The following HECW2 variants were observed in gnomAD, a reference collection of about 807,000 sequenced individuals.
The protein encoded by HECW2 is HECT, C2 and WW domain containing E3 ubiquitin protein ligase 2, also known as E3 ubiquitin-protein ligase HECW2.
In HECW2, 61 loss-of-function variants were observed where a neutral mutation model predicts 175.2. That is an observed-to-expected ratio of 0.35 (90% CI 0.28 to 0.43). The LOEUF (loss-of-function observed/expected upper bound fraction) is 0.43. Among genes scored for constraint, HECW2 ranks in the 20% least tolerant of loss-of-function variants. The probability of loss-of-function intolerance (pLI) is 1.00; values close to 1 mark genes in which losing one functional copy is unlikely to be tolerated. For synonymous variants in HECW2, 671 were observed against 731.0 expected, an observed-to-expected ratio of 0.92 and a Z score of 1.32; for missense variants, 1,524 against 2,000.5, an observed-to-expected ratio of 0.76 and a Z score of 4.54.
At chr2:196,280,224 T>A (rs946827942) in intron 14 of HECW2, among the ~76,000 whole-genome samples, 2 of 152,188 alleles carry the variant, frequency 1.3e-5, no homozygotes, top group Admixed American at 1.3e-4. Context: ...AGGCACATGA[T>A]GTATGCCAAA....
At chr2:196,527,785 A>AG (rs1417083008) in intron 1 of HECW2, among the ~76,000 whole-genome samples, 1 of 152,256 alleles carries the variant, frequency 6.6e-6, no homozygotes, top group Non-Finnish European at 1.5e-5. Context: ...AGGGGTTTAT[A>AG]GCCCTGTCCT....
chr2:196,540,415 A>G lies in HECW2; in HGVS notation c.-36+53093T>C, dbSNP rs145226898. Among the ~76,000 whole-genome samples, 952 of 152,118 alleles carry G rather than the reference A, an allele frequency of 6.3e-3. 5 individuals are homozygous for G. The highest frequency in any genetic ancestry group is 0.01 in the Middle Eastern group (3 of 294). The stretch of plus-strand genomic sequence containing the variant: ...AAGAAAGGGGTATTTGTGTTTAAGG[A>G]ATATAATTTATTTTTCTTTCTTTTT... On this transcript the variant is annotated intron_variant, in intron 1 of 28. Coordinates refer to ENST00000644978, the MANE Select transcript of HECW2 (RefSeq NM_001348768.2).
intron 2 of HECW2, among the ~76,000 whole-genome samples, chr2:196,356,874 T>C (rs1338088944): frequency 6.6e-6 from 1 of 152,200 alleles, no homozygotes; most frequent in Non-Finnish European, 1.5e-5. Context: ...GGTTCAGCAC[T>C]ATCTGCAGGT....
At chr2:196,570,572 G>A (rs1017628047) in intron 1 of HECW2, among the ~76,000 whole-genome samples, 2 of 152,114 alleles carry the variant, frequency 1.3e-5, no homozygotes, top group Admixed American at 6.5e-5. Flanking sequence ...GGTAGGGGGA[G>A]GGATAGCATT....
In HECW2 at chr2:196,222,256, G is replaced by A. The variant is rs1687696599; in HGVS notation, c.4101C>T (p.Asp1367=). The A allele has an allele frequency of 2.5e-6, 4 of 1,613,738 alleles. No individual in the cohort carries two copies. The highest frequency in any genetic ancestry group is 3.4e-6 in the Non-Finnish European group (4 of 1,179,858). ...TCACAGTGAACGTGAGGTCTAGGAT[G>A]TCATGGATATCATTGTCTTTCATCC... ...LQWMKDNDIH[D]ILDLTFTVNE... Residue 1367 remains aspartate, a synonymous_variant, in exon 24 of 29, where the codon GAC becomes GAT. Transcript: ENST00000644978.
chr2:196,289,075 C>A (rs1690503358), intron 14 of HECW2: 1 of 152,244 alleles, frequency 6.6e-6, no homozygotes, highest in Non-Finnish European at 1.5e-5. Context: ...GAATACTACA[C>A]TAAGTGGTAA....
intron 1 of HECW2, among the ~76,000 whole-genome samples, chr2:196,458,402 A>G (rs115289475): frequency 6.6e-6 from 1 of 151,698 alleles, no homozygotes; most frequent in African/African-American, 2.4e-5. Context: ...GAGTCTCTGG[A>G]TCTTAACTGT....
intron 28 of HECW2, among the ~76,000 whole-genome samples, chr2:196,211,082 A>C (rs931893836): frequency 3.9e-5 from 6 of 152,222 alleles, no homozygotes; most frequent in Non-Finnish European, 5.9e-5. Context: ...TTTCATTCAT[A>C]ATAATCTCCA....
At chr2:196,555,620 C>T (rs1221332494) in intron 1 of HECW2, among the ~76,000 whole-genome samples, 1 of 151,998 alleles carries the variant, frequency 6.6e-6, no homozygotes, top group East Asian at 1.9e-4. Context: ...AAAAATTATT[C>T]AGCTAAAGGT....
intron 1 of HECW2, among the ~76,000 whole-genome samples, chr2:196,548,931 C>T (rs952478915): frequency 1.3e-5 from 2 of 152,106 alleles, no homozygotes; most frequent in African/African-American, 4.8e-5. Flanking sequence ...GGATTAGGGC[C>T]CACCCTAATG....
chr2:196,538,016 G>A (rs1050177115), intron 1 of HECW2, among the ~76,000 whole-genome samples: 2 of 152,026 alleles, frequency 1.3e-5, no homozygotes, highest in African/African-American at 4.8e-5. Flanking sequence ...TCTTTCTTGT[G>A]GGAGATCCAA....
chr2:196,379,684 C>G (rs1455437947), intron 2 of HECW2, among the ~76,000 whole-genome samples: 3 of 28,260 alleles, frequency 1.1e-4, no homozygotes, highest in Non-Finnish European at 2.8e-4. Flanking sequence ...TACTCCGTCT[C>G]AAAAAAAAAA....
chr2:196,354,371 C>T (rs746635454), intron 2 of HECW2, among the ~76,000 whole-genome samples: 5 of 152,176 alleles, frequency 3.3e-5, no homozygotes, highest in South Asian at 2.1e-4. Context: ...TTGGAATGGC[C>T]GGCCAGACCC....
At chr2:196,265,161 A>G (rs891495423) in intron 17 of HECW2, among the ~76,000 whole-genome samples, 3 of 152,158 alleles carry the variant, frequency 2.0e-5, no homozygotes, top group African/African-American at 7.2e-5. Context: ...CAGCACCACT[A>G]AAAAGCCCTC....
intron 1 of HECW2, among the ~76,000 whole-genome samples, chr2:196,508,973 C>A (rs1413639015): frequency 6.6e-6 from 1 of 152,126 alleles, no homozygotes; most frequent in Non-Finnish European, 1.5e-5. Flanking sequence ...GAGGCTGAGG[C>A]AGGAGAATGG....
chr2:196,262,159 G>A (rs1184980500), intron 17 of HECW2, among the ~76,000 whole-genome samples: 3 of 152,028 alleles, frequency 2.0e-5, no homozygotes, highest in Non-Finnish European at 4.4e-5. Context: ...CTGAGTAGGT[G>A]GGACTACAGG....
At chr2:196,517,209 T>C (rs1688182261) in intron 1 of HECW2, among the ~76,000 whole-genome samples, 1 of 152,204 alleles carries the variant, frequency 6.6e-6, no homozygotes, top group South Asian at 2.1e-4. Context: ...CATTAAATCC[T>C]CTAAGGTAGA....
intron 28 of HECW2, among the ~76,000 whole-genome samples, chr2:196,204,431 G>C (rs1335591428): frequency 6.6e-6 from 1 of 152,140 alleles, no homozygotes; most frequent in Non-Finnish European, 1.5e-5. Context: ...TTAAAATCAA[G>C]AGAGACTCTC....
At chr2:196,299,162 C>A (rs971591293) in intron 13 of HECW2, among the ~76,000 whole-genome samples, 27 of 146,462 alleles carry the variant, frequency 1.8e-4, no homozygotes, top group Non-Finnish European at 4.6e-5. Context: ...CAGCATGGAT[C>A]ATCTTTTTAG....
Sources: allele counts gnomAD v4.1 joint callset (sites outside exome capture counted in the v4.1 genomes callset), GRCh38; gene constraint gnomAD v4.1.1; transcripts MANE v1.5; gene names NCBI Gene and HGNC (gene_info 2026-07-23, HGNC 2026-07-21).